ZSWIM4: variants seen among roughly 807,000 people sequenced by gnomAD.
ZSWIM4 encodes the protein zinc finger SWIM domain-containing protein 4.
ZSWIM4 carries 62 observed loss-of-function variants against 102.5 expected under a neutral mutation model. The observed-to-expected ratio is 0.60, with a 90% confidence interval of 0.49 to 0.75. The LOEUF (loss-of-function observed/expected upper bound fraction) is 0.75, where lower values mean the gene tolerates loss of function less well. Ranked by LOEUF, ZSWIM4 falls within the 30% of genes least tolerant of loss-of-function variation. The probability of loss-of-function intolerance (pLI) is 0.00; values close to 1 mark genes in which losing one functional copy is unlikely to be tolerated. For missense variants in ZSWIM4, 1,280 were observed against 1,529.6 expected (o/e 0.84, Z 2.72); for synonymous variants, 652 against 674.5 (o/e 0.97, Z 0.52).
rs748484236 is a variant in ZSWIM4, at chr19:13,808,888, C to T, written c.765C>T (p.His255=). Reference sequence around the variant, plus strand: ...GAATCGAGGACGCCAACTGCTGGCACCTGGACGAGGAGCAGATCCAGGAGC... The same window carrying T: ...GAATCGAGGACGCCAACTGCTGGCATCTGGACGAGGAGCAGATCCAGGAGC... ...GAGIEDANCW[H]LDEEQIQEQV... is the part of the protein sequence containing the mutation. Residue 255 remains histidine, a synonymous_variant, in exon 4 of 14, where the codon CAC becomes CAT. Transcript: ENST00000590508. The T allele has an allele frequency of 1.9e-6, 3 of 1,612,394 alleles. No homozygotes were observed. Among genetic ancestry groups the T allele is most frequent in the Non-Finnish European group, 2.5e-6 (3 of 1,179,420 alleles).
chr19:13,825,556 C>A lies in ZSWIM4; in HGVS notation c.2222C>A (p.Pro741His). Residue 741 changes from proline (P) to histidine (H), a missense_variant, in exon 12 of 14, where the codon CCC (proline) becomes CAC (histidine). Physicochemically the swap from Pro to His is moderately conservative, Grantham distance 77 (BLOSUM62 -2). Transcript: ENST00000590508. The surrounding 1 kb of genome is among the most constrained non-coding windows in gnomAD (Gnocchi z 4.6). ...STMLTAAKGD[P>H]KWLHTVLGSI... ...TGTCCCGCCCTTCACCCAGGAGACC[C>A]CAAGTGGCTGCACACGGTACTGGGC... 1.2e-6 allele frequency: 2 copies of A among 1,613,980 alleles called. No homozygotes were observed. Among genetic ancestry groups the A allele is most frequent in the Non-Finnish European group, 1.7e-6 (2 of 1,179,882 alleles).
In ZSWIM4 at chr19:13,805,926, G is replaced by A. The variant is rs191535891; in HGVS notation, c.712+778G>A. Reference sequence around the variant, plus strand: ...GCAGAGGTTGCAGTGAGCTGACATCGCGCCATTGCACTCCAGCCTGGGAGA... The same window carrying A: ...GCAGAGGTTGCAGTGAGCTGACATCACGCCATTGCACTCCAGCCTGGGAGA... On this transcript the variant is annotated intron_variant, in intron 3 of 13. Transcript: ENST00000590508. Among the ~76,000 whole-genome samples, 99 of 149,952 alleles carry A rather than the reference G, an allele frequency of 6.6e-4. 3 individuals are homozygous for A. The highest frequency in any genetic ancestry group is 5.3e-3 in the Admixed American group (80 of 15,072).
intron 2 of ZSWIM4, among the ~76,000 whole-genome samples, chr19:13,800,762 G>A (rs1205156176): frequency 2.0e-5 from 3 of 152,270 alleles, no homozygotes; most frequent in Non-Finnish European, 2.9e-5. Flanking sequence ...CAGGCAGCAG[G>A]GTTTAGACAA....
chr19:13,798,948 C>G (rs935970057), intron 1 of ZSWIM4, among the ~76,000 whole-genome samples: 11 of 152,190 alleles, frequency 7.2e-5, no homozygotes, highest in Non-Finnish European at 1.5e-4. Context: ...GCCACCACAC[C>G]TGGCTAATTT....
intron 1 of ZSWIM4, among the ~76,000 whole-genome samples, chr19:13,797,598 C>A (rs1001543515): frequency 6.6e-6 from 1 of 152,192 alleles, no homozygotes; most frequent in African/African-American, 2.4e-5. Flanking sequence ...AATGCACTAA[C>A]ACTAACAATA....
Position 13,830,743 on chromosome 19 carries a change from TCTCGGCGCCCG to T in ZSWIM4, c.3015_3025del (p.Ala1007GlyfsTer155). 1.9e-6 allele frequency: 3 copies of T among 1,607,908 alleles called. No individual in the cohort carries two copies. Among genetic ancestry groups the T allele is most frequent in the Non-Finnish European group, 2.5e-6 (3 of 1,177,482 alleles). ...TCCGATATTCTGCGCCGCTGGACTC[TCTCGGCGCCCG>T]GTCTGGGCCCCTTAGGGGCACGCCG... On this transcript the variant is annotated frameshift_variant, in exon 14 of 14. Coordinates refer to ENST00000590508, the MANE Select transcript of ZSWIM4 (RefSeq NM_001367834.3). LOFTEE classifies it high-confidence loss of function.
Position 13,815,669 on chromosome 19 carries a change from A to G in ZSWIM4, c.1531+804A>G, listed in dbSNP as rs532906283. ...GTGTTTTTAGTAGAGATGGGGTTTC[A>G]CTATGTTGGCCAGGCTCTTCTCGAA... On this transcript the variant is annotated intron_variant, in intron 7 of 13. Coordinates refer to ENST00000590508, the MANE Select transcript of ZSWIM4 (RefSeq NM_001367834.3). Among the ~76,000 whole-genome samples, 5 of 147,426 alleles carry G rather than the reference A, an allele frequency of 3.4e-5. No individual in the cohort carries two copies. The East Asian group carries it at 1.0e-3, about 30-fold the overall frequency.
chr19:13,799,989 G>T, intron 2 of ZSWIM4, 68 bp downstream of exon 2: 1 of 1,507,284 alleles, frequency 6.6e-7, no homozygotes, highest in Non-Finnish European at 9.0e-7. Context: ...AAATGGGGGA[G>T]TTGGAGGGAG....
chr19:13,831,202 GT>G lies in ZSWIM4; in HGVS notation c.*153del. ...GGCAGGGGGAGCAGCATCCTGCCAC[GT>G]GTGTGCCTGGGAGTCTGTGAGCAAG... On this transcript the variant is annotated 3_prime_UTR_variant, in exon 14 of 14. Coordinates refer to ENST00000590508, the MANE Select transcript of ZSWIM4 (RefSeq NM_001367834.3). 1.0e-6 allele frequency: 1 copy of G among 970,432 alleles called. No individual in the cohort carries two copies. The highest frequency in any genetic ancestry group is 1.5e-6 in the Non-Finnish European group (1 of 675,602). The allele number at this position is 970,432 out of a possible 1,614,324, so 60.1% of individuals were successfully genotyped here.
chr19:13,818,531 G>A (rs1975366762), intron 9 of ZSWIM4, among the ~76,000 whole-genome samples: 1 of 152,136 alleles, frequency 6.6e-6, no homozygotes, highest in African/African-American at 2.4e-5. Flanking sequence ...CCTCACCTGC[G>A]AGTGTGCCTG....
chr19:13,814,921 C>T, intron 7 of ZSWIM4, 56 bp downstream of exon 7: 1 of 1,082,590 alleles, frequency 9.2e-7, no homozygotes, highest in Non-Finnish European at 1.2e-6. Flanking sequence ...CATTGGGAGT[C>T]CGAGGTGGGA....
intron 1 of ZSWIM4, chr19:13,796,581 C>G (rs1238776854): frequency 2.0e-5 from 3 of 152,600 alleles, no homozygotes; most frequent in Non-Finnish European, 4.4e-5. Flanking sequence ...AGGGTCCCTC[C>G]TCCTCCCCAC....
At chr19:13,821,570 C>T (rs1268597401) in intron 10 of ZSWIM4, among the ~76,000 whole-genome samples, 1 of 152,114 alleles carries the variant, frequency 6.6e-6, no homozygotes, top group African/African-American at 2.4e-5. Context: ...CTTTTAGAGA[C>T]AGTCTCGCTC....
chr19:13,805,378 G>A (rs548655546), intron 3 of ZSWIM4, among the ~76,000 whole-genome samples: 38 of 152,214 alleles, frequency 2.5e-4, no homozygotes, highest in Non-Finnish European at 5.3e-4. Context: ...GGCAGAGGGC[G>A]AGGGCAGGAG....
intron 2 of ZSWIM4, among the ~76,000 whole-genome samples, chr19:13,804,577 G>C (rs1209719293): frequency 6.6e-6 from 1 of 152,052 alleles, no homozygotes; most frequent in Admixed American, 6.6e-5. Context: ...AACCTGGGAG[G>C]CGGAGGTTGC....
Position 13,814,581 on chromosome 19 carries a change from T to C in ZSWIM4, c.1247T>C (p.Leu416Pro), listed in dbSNP as rs557214686. The C allele has an allele frequency of 8.4e-7, 1 of 1,188,892 alleles. No homozygotes were observed. The highest frequency in any genetic ancestry group is 6.9e-5 in the East Asian group (1 of 14,482). 73.6% of individuals were successfully genotyped at this position (1,188,892 alleles called of 1,614,324 possible). The change falls in exon 7 of 14, where the codon CTG becomes CCG. Residue 416 changes from leucine (L) to proline (P), a missense_variant. Leu to Pro is a moderately conservative substitution (Grantham distance 98). Transcript: ENST00000590508. The part of the protein sequence containing the change: ...PRHTVFGRAL[L>P]AGELHWNDAY... Reference sequence around the variant, plus strand: ...CACACGGTATTTGGCCGCGCCTTGCTGGCTGGAGAGCTACACTGGAATGAC... The same window carrying C: ...CACACGGTATTTGGCCGCGCCTTGCCGGCTGGAGAGCTACACTGGAATGAC...
rs1306538056 is a variant in ZSWIM4, at chr19:13,825,733, T to G, written c.2379+20T>G. The G allele has an allele frequency of 6.3e-7, 1 of 1,598,434 alleles. No homozygotes were observed. The highest frequency in any genetic ancestry group is 8.5e-7 in the Non-Finnish European group (1 of 1,175,662). On this transcript the variant is annotated intron_variant, in intron 12 of 13. Transcript: ENST00000590508. The surrounding 1 kb of genome is among the most constrained non-coding windows in gnomAD (Gnocchi z 4.6). ...CTGCAGGTGAGGGCTGCCAGGTGGATGCGGGAGGGCGATGGTGGCTCGGGG... is the reference window on the plus strand; with the variant it reads ...CTGCAGGTGAGGGCTGCCAGGTGGAGGCGGGAGGGCGATGGTGGCTCGGGG...
At chr19:13,822,288 AT>A (rs1975489242) in intron 10 of ZSWIM4, among the ~76,000 whole-genome samples, 2 of 151,900 alleles carry the variant, frequency 1.3e-5, no homozygotes, top group African/African-American at 2.4e-5. Flanking sequence ...CTATGCAAGA[AT>A]TTTTTTTCTC....
intron 12 of ZSWIM4, among the ~76,000 whole-genome samples, chr19:13,827,588 C>CA (rs35504300): frequency 0.4 from 29,037 of 72,064 alleles, 4,301 homozygotes; most frequent in African/African-American, 0.44. Context: ...GTGAGACCCT[C>CA]AAAAAAAAAA....
Sources: allele counts gnomAD v4.1 joint callset (sites outside exome capture counted in the v4.1 genomes callset), GRCh38; gene constraint gnomAD v4.1.1; non-coding constraint Gnocchi (gnomAD v3.1); transcripts MANE v1.5; gene names NCBI Gene and HGNC (gene_info 2026-07-23, HGNC 2026-07-21).